SLC2A13: variants seen among roughly 807,000 people sequenced by gnomAD.
SLC2A13 encodes solute carrier family 2 member 13.
In SLC2A13, 32 loss-of-function variants were observed where a neutral mutation model predicts 64.4. The ratio of observed to expected loss-of-function variants is 0.50; its 90% CI spans 0.37 to 0.67. The LOEUF is 0.67. Among genes scored for constraint, SLC2A13 ranks in the 30% least tolerant of loss-of-function variants. The pLI is 0.00. For synonymous variants in SLC2A13, 338 were observed against 327.1 expected (o/e 1.03, Z -0.36); for missense variants, 743 against 829.2 (o/e 0.90, Z 1.28).
intron 7 of SLC2A13, among the ~76,000 whole-genome samples, chr12:39,821,282 C>T (rs1592170426): frequency 6.6e-6 from 1 of 152,036 alleles, no homozygotes; most frequent in African/African-American, 2.4e-5. Context: ...TGTTGGCGGG[C>T]GCCTGTAGTC....
chr12:39,807,309 A>G (rs1258302909), intron 7 of SLC2A13, among the ~76,000 whole-genome samples: 1 of 152,174 alleles, frequency 6.6e-6, no homozygotes, highest in East Asian at 1.9e-4. Flanking sequence ...AAGCCTACAT[A>G]TGATAACACT....
intron 7 of SLC2A13, among the ~76,000 whole-genome samples, chr12:39,797,467 G>A (rs1245420717): frequency 6.6e-6 from 1 of 151,982 alleles, no homozygotes; most frequent in Non-Finnish European, 1.5e-5. Context: ...CAGCAATATG[G>A]GAAAATATAT....
At chr12:39,807,001 G>A (rs1289169903) in intron 7 of SLC2A13, among the ~76,000 whole-genome samples, 1 of 152,070 alleles carries the variant, frequency 6.6e-6, no homozygotes. Flanking sequence ...TTTATTAAAC[G>A]TTCTTGAGAT....
chr12:39,775,938 G>A (rs911544757), intron 7 of SLC2A13, among the ~76,000 whole-genome samples: 6 of 152,162 alleles, frequency 3.9e-5, no homozygotes, highest in Non-Finnish European at 8.8e-5. Context: ...TTTCCTTTGA[G>A]CATCATGTCA....
At chr12:39,818,417 G>A (rs747755638) in intron 7 of SLC2A13, among the ~76,000 whole-genome samples, 2 of 152,136 alleles carry the variant, frequency 1.3e-5, no homozygotes, top group South Asian at 4.1e-4. Context: ...TATCAGATAG[G>A]ATCTCTTATC....
chr12:39,909,818 A>G (rs1006724285), intron 4 of SLC2A13, among the ~76,000 whole-genome samples: 66 of 151,704 alleles, frequency 4.4e-4, no homozygotes, highest in Non-Finnish European at 7.2e-4. Context: ...TGGGAACTCA[A>G]TGAGTTATCC....
At chr12:39,941,247 C>T (rs1485591536) in intron 4 of SLC2A13, among the ~76,000 whole-genome samples, 1 of 152,102 alleles carries the variant, frequency 6.6e-6, no homozygotes, top group African/African-American at 2.4e-5. Flanking sequence ...GTGCAAGTAT[C>T]TTTTTCGAAT....
intron 3 of SLC2A13, among the ~76,000 whole-genome samples, chr12:39,999,524 C>A (rs1414833301): frequency 2.6e-5 from 4 of 152,218 alleles, no homozygotes; most frequent in East Asian, 3.9e-4. Context: ...TCCTGCAATA[C>A]CCTCAGGCTA....
chr12:39,842,652 A>C (rs1464927397), intron 6 of SLC2A13, among the ~76,000 whole-genome samples: 2 of 152,070 alleles, frequency 1.3e-5, no homozygotes. Context: ...AAAATTTACC[A>C]TTTTAACAAT....
chr12:40,036,217 G>A (rs890382060), intron 2 of SLC2A13, among the ~76,000 whole-genome samples: 1 of 152,072 alleles, frequency 6.6e-6, no homozygotes, highest in Non-Finnish European at 1.5e-5. Context: ...TCCAACAGAA[G>A]CTATTAGAAA....
At chr12:39,947,283 T>C (rs1005956) in intron 4 of SLC2A13, among the ~76,000 whole-genome samples, 49,628 of 152,100 alleles carry the variant, frequency 0.33, 8,728 homozygotes, top group Non-Finnish European at 0.41. Flanking sequence ...CTTTCCCCCT[T>C]TACTACTGTT....
intron 3 of SLC2A13, among the ~76,000 whole-genome samples, chr12:40,003,275 G>A (rs963523237): frequency 6.6e-6 from 1 of 152,124 alleles, no homozygotes; most frequent in African/African-American, 2.4e-5. Flanking sequence ...AAAAAGAATA[G>A]TATATGAATT....
At chr12:39,911,795 G>A (rs1945436905) in intron 4 of SLC2A13, among the ~76,000 whole-genome samples, 1 of 152,046 alleles carries the variant, frequency 6.6e-6, no homozygotes. Flanking sequence ...ATGAGCCAAA[G>A]ACGGTGGGGG....
intron 7 of SLC2A13, among the ~76,000 whole-genome samples, chr12:39,801,333 G>A (rs1172586021): frequency 5.8e-5 from 3 of 51,962 alleles, no homozygotes. Context: ...AAATGAATGA[G>A]GAAATTAAAA....
At chr12:40,034,483 C>G (rs374272901) in intron 2 of SLC2A13, among the ~76,000 whole-genome samples, 1 of 152,090 alleles carries the variant, frequency 6.6e-6, no homozygotes, top group East Asian at 1.9e-4. Context: ...CTAGCAAATT[C>G]TCTAATAATA....
intron 4 of SLC2A13, among the ~76,000 whole-genome samples, chr12:39,886,500 G>T (rs960543199): frequency 2.0e-5 from 3 of 151,626 alleles, no homozygotes; most frequent in Admixed American, 6.6e-5. Flanking sequence ...TTATTTAGGG[G>T]GTACTACATG....
intron 2 of SLC2A13, among the ~76,000 whole-genome samples, chr12:40,034,095 A>G (rs1390829181): frequency 6.6e-6 from 1 of 152,212 alleles, no homozygotes; most frequent in African/African-American, 2.4e-5. Context: ...GTCAAGCTGT[A>G]ATGGAAAAAC....
chr12:39,889,799 G>A (rs971621584), intron 4 of SLC2A13, among the ~76,000 whole-genome samples: 9 of 151,944 alleles, frequency 5.9e-5, no homozygotes, highest in Non-Finnish European at 1.2e-4. Flanking sequence ...CAAAGTGTTG[G>A]GATTACAGGT....
intron 6 of SLC2A13, 94 bp from the exon 7 acceptor site, chr12:39,830,322 C>G: frequency 6.6e-7 from 1 of 1,515,480 alleles, no homozygotes. Flanking sequence ...TTTCCACTCT[C>G]TTGTGCAGTA....
Sources: gnomAD v4.1 joint callset for allele counts (sites outside exome capture counted in the v4.1 genomes callset) on GRCh38, gnomAD v4.1.1 for gene constraint, MANE v1.5 for transcripts, NCBI Gene and HGNC (gene_info 2026-07-23, HGNC 2026-07-21) for gene names.